The following CMYA5 variants were observed in gnomAD, a reference collection of about 807,000 sequenced individuals.
The protein encoded by CMYA5 is cardiomyopathy-associated protein 5.
Under a neutral mutation model 318.9 loss-of-function variants are expected in CMYA5, and 246 were observed. That is an observed-to-expected ratio of 0.77 (90% CI 0.70 to 0.86). The LOEUF (loss-of-function observed/expected upper bound fraction) is 0.86. Ranked by LOEUF, CMYA5 falls within the 40% of genes least tolerant of loss-of-function variation. CMYA5 has a pLI of 0.00. For missense variants in CMYA5, 4,589 were observed against 4,678.2 expected (o/e 0.98, Z 0.56); for synonymous variants, 1,641 against 1,729.5 (o/e 0.95, Z 1.27).
chr5:79,799,769 G>A lies in CMYA5; in HGVS notation c.*153G>A, dbSNP rs879883112. 1.3e-5 allele frequency: 13 copies of A among 995,306 alleles called. No homozygotes were observed. Among genetic ancestry groups the A allele is most frequent in the South Asian group, 1.9e-5 (1 of 53,404 alleles). 61.7% of individuals were successfully genotyped at this position (995,306 alleles called of 1,614,324 possible). A position where few individuals can be genotyped will look rare whatever the true frequency, so the allele number is the denominator to read the frequency against. ...TAGCAATCAGCATGTGAGCAAAATCGACAAGAAAACCTTGACTTTACAGAG... is the reference window on the plus strand; with the variant it reads ...TAGCAATCAGCATGTGAGCAAAATCAACAAGAAAACCTTGACTTTACAGAG... On this transcript the variant is annotated 3_prime_UTR_variant, in exon 13 of 13. Coordinates refer to ENST00000446378, the MANE Select transcript of CMYA5 (RefSeq NM_153610.5).
intron 9 of CMYA5, among the ~76,000 whole-genome samples, chr5:79,771,867 C>G (rs746773185): frequency 6.6e-6 from 1 of 152,148 alleles, no homozygotes; most frequent in Non-Finnish European, 1.5e-5. Context: ...TGAGGCATCC[C>G]TCAATAACCT....
chr5:79,758,172 G>T (rs1021177102), intron 6 of CMYA5, among the ~76,000 whole-genome samples: 4 of 151,970 alleles, frequency 2.6e-5, no homozygotes, highest in Non-Finnish European at 5.9e-5. Context: ...GGAGGTTGCA[G>T]TCAGCCAAGA....
Position 79,737,510 on chromosome 5 carries a change from G to A in CMYA5, c.8745G>A (p.Lys2915=). The change falls in exon 2 of 13, where the codon AAG becomes AAA. Residue 2915 remains lysine (K), a synonymous_variant. Coordinates refer to ENST00000446378, the MANE Select transcript of CMYA5 (RefSeq NM_153610.5). ...TGGTTTCTAATAAAGAAATGCCCAA[G>A]GAACCTGAAGACACATATGCAAAAG... is the stretch of plus-strand genomic sequence containing the variant. ...DKMVSNKEMP[K]EPEDTYAKGE... 6.2e-7 allele frequency: 1 copy of A among 1,613,406 alleles called. No individual in the cohort carries two copies. The highest frequency in any genetic ancestry group is 8.5e-7 in the Non-Finnish European group (1 of 1,179,726).
chr5:79,695,622 T>C (rs1827053442), intron 1 of CMYA5, among the ~76,000 whole-genome samples: 1 of 152,196 alleles, frequency 6.6e-6, no homozygotes, highest in Non-Finnish European at 1.5e-5. Flanking sequence ...GCATTGGTAA[T>C]AAATTCTATA....
chr5:79,786,518 A>G (rs1181653532), intron 9 of CMYA5, among the ~76,000 whole-genome samples: 1 of 152,194 alleles, frequency 6.6e-6, no homozygotes, highest in Non-Finnish European at 1.5e-5. Flanking sequence ...CACTCACCTT[A>G]GTTTGGGTAT....
At position 79,799,665 on chromosome 5, in the gene CMYA5, G is replaced by A. The variant is rs544351662; in HGVS notation, c.*49G>A. On this transcript the variant is annotated 3_prime_UTR_variant, in exon 13 of 13. Transcript: ENST00000446378. Reference sequence around the variant, plus strand: ...GAACAGCGATTTGAATTTTGGGGGGGTCTGCTGTTCATTCCTTTAGGTGCT... The same window carrying A: ...GAACAGCGATTTGAATTTTGGGGGGATCTGCTGTTCATTCCTTTAGGTGCT... 6 of 1,566,606 alleles carry A rather than the reference G, an allele frequency of 3.8e-6. No homozygotes were observed. The highest frequency in any genetic ancestry group is 5.2e-6 in the Non-Finnish European group (6 of 1,152,134).
intron 1 of CMYA5, among the ~76,000 whole-genome samples, chr5:79,701,636 C>T (rs1356318510): frequency 2.0e-5 from 3 of 152,108 alleles, no homozygotes; most frequent in Non-Finnish European, 4.4e-5. Flanking sequence ...ATTGTACAAC[C>T]ACTTTAGAAA....
chr5:79,746,764 A>T (rs1470391175), intron 4 of CMYA5, among the ~76,000 whole-genome samples: 1 of 152,112 alleles, frequency 6.6e-6, no homozygotes, highest in Non-Finnish European at 1.5e-5. Context: ...GAATAGAGAG[A>T]AGCAGAGCAT....
At chr5:79,712,393 T>C (rs1312745592) in intron 1 of CMYA5, among the ~76,000 whole-genome samples, 1 of 151,998 alleles carries the variant, frequency 6.6e-6, no homozygotes, top group East Asian at 1.9e-4. Flanking sequence ...TTTGTATTTT[T>C]GTATAGATGG....
In CMYA5 at chr5:79,729,431, AG is replaced by A. The variant is rs779729327; in HGVS notation, c.668del (p.Gly223GlufsTer17). 1.2e-6 allele frequency: 2 copies of A among 1,613,682 alleles called. No homozygotes were observed. The highest frequency in any genetic ancestry group is 8.5e-7 in the Non-Finnish European group (1 of 1,179,630). The stretch of plus-strand genomic sequence containing the variant: ...CATTAGTGTTAAGACCAGTCTACAT[AG>A]GAACAGTACAATATAAAATTAAGAT... ...KPLVLRPVYI[G>X]TVQYKIKMFN... On this transcript the variant is annotated frameshift_variant, in exon 2 of 13. Coordinates refer to ENST00000446378, the MANE Select transcript of CMYA5 (RefSeq NM_153610.5). LOFTEE classifies it high-confidence loss of function.
chr5:79,701,513 C>T (rs1827174547), intron 1 of CMYA5, among the ~76,000 whole-genome samples: 2 of 152,122 alleles, frequency 1.3e-5, no homozygotes, highest in Non-Finnish European at 2.9e-5. Context: ...AAATCTCACA[C>T]ACACAAAACC....
rs764947355 is a variant in CMYA5 at position 79,739,421 on chromosome 5, A to G, written c.10638+18A>G. ...CTGTAAAGGTAAATAGATGTTGAAC[A>G]CACATAATTAATAATATATATATAC... On this transcript the variant is annotated intron_variant, in intron 2 of 12. Transcript: ENST00000446378. 6.9e-7 allele frequency: 1 copy of G among 1,454,752 alleles called. No homozygotes were observed. The highest frequency in any genetic ancestry group is 9.1e-7 in the Non-Finnish European group (1 of 1,100,742). 90.1% of individuals were successfully genotyped at this position (1,454,752 alleles called of 1,614,324 possible).
rs780041146 is a variant in CMYA5 at position 79,738,779 on chromosome 5, T to C, written c.10014T>C (p.Tyr3338=). ...DVRVATQKIS[Y]AVPFEDTHHV... The stretch of plus-strand genomic sequence containing the variant: ...GAGTGGCTACCCAGAAAATAAGTTA[T>C]GCGGTTCCATTTGAAGACACCCATC... The change falls in exon 2 of 13, where the codon TAT becomes TAC. Residue 3338 remains tyrosine (Y), a synonymous_variant. Transcript: ENST00000446378. 23 of 1,613,856 alleles carry C rather than the reference T, an allele frequency of 1.4e-5. No individual in the cohort carries two copies. The highest frequency in any genetic ancestry group is 2.2e-5 in the East Asian group (1 of 44,874).
rs764646623 is a variant in CMYA5 at position 79,733,951 on chromosome 5, C to T, written c.5186C>T (p.Pro1729Leu). The T allele has an allele frequency of 1.9e-5, 31 of 1,613,392 alleles. 1 individual carries two copies. The Admixed American group carries it at 4.0e-4, about 21-fold the overall frequency. Residue 1729 changes from proline to leucine, a missense_variant, in exon 2 of 13, where the codon CCT becomes CTT. By Grantham distance (98) the Pro-to-Leu change is moderately conservative (BLOSUM62 -3). This residue lies in a region of CMYA5 where 2,132 missense variants were observed against 2,131.3 expected (regional missense o/e 1.00). Transcript: ENST00000446378. Reference protein sequence around the residue: ...KIISLESKEPPASVAEGGNPE... With the variant: ...KIISLESKEPLASVAEGGNPE... Reference sequence around the variant, plus strand: ...ATCAGCCTAGAGTCGAAAGAACCACCTGCCTCTGTAGCTGAAGGAGGCAAC... The same window carrying T: ...ATCAGCCTAGAGTCGAAAGAACCACTTGCCTCTGTAGCTGAAGGAGGCAAC...
chr5:79,716,215 A>G (rs1290886306), intron 1 of CMYA5, among the ~76,000 whole-genome samples: 1 of 152,228 alleles, frequency 6.6e-6, no homozygotes, highest in African/African-American at 2.4e-5. Flanking sequence ...TGAAGTTCTG[A>G]AACAATTGAT....
At chr5:79,744,020 G>A (rs578045500) in intron 3 of CMYA5, 98 bp downstream of exon 3, 71 of 578,540 alleles carry the variant, frequency 1.2e-4, no homozygotes, top group African/African-American at 1.1e-3. Context: ...GATTTTATGC[G>A]CATGTGTTGT....
intron 5 of CMYA5, among the ~76,000 whole-genome samples, chr5:79,750,160 C>T (rs1357172749): frequency 6.6e-6 from 1 of 152,106 alleles, no homozygotes; most frequent in Non-Finnish European, 1.5e-5. Context: ...ATTGTTTGAT[C>T]TTTTCAGTAG....
intron 1 of CMYA5, among the ~76,000 whole-genome samples, chr5:79,727,968 C>T (rs1324810027): frequency 6.6e-6 from 1 of 152,182 alleles, no homozygotes; most frequent in Non-Finnish European, 1.5e-5. Context: ...TCAGGAAGGC[C>T]TGACTACAGA....
intron 5 of CMYA5, among the ~76,000 whole-genome samples, chr5:79,747,750 C>T (rs1194134758): frequency 1.3e-5 from 2 of 152,198 alleles, no homozygotes; most frequent in African/African-American, 4.8e-5. Context: ...TTATAATTAT[C>T]CAACAGATCT....
Sources: allele counts gnomAD v4.1 joint callset (sites outside exome capture counted in the v4.1 genomes callset), GRCh38; gene constraint gnomAD v4.1.1; regional missense constraint gnomAD v4.1.1; transcripts MANE v1.5; gene names NCBI Gene and HGNC (gene_info 2026-07-23, HGNC 2026-07-21).